SPAG17: variants seen among roughly 807,000 people sequenced by gnomAD.
SPAG17 encodes the protein sperm associated antigen 17.
SPAG17 carries 169 observed loss-of-function variants against 273.6 expected under a neutral mutation model. The ratio of observed to expected loss-of-function variants is 0.62; its 90% CI spans 0.55 to 0.70. The LOEUF is 0.70. Among genes scored for constraint, SPAG17 ranks in the 30% least tolerant of loss-of-function variants. The probability of loss-of-function intolerance (pLI) is 0.00; values close to 1 mark genes in which losing one functional copy is unlikely to be tolerated. For synonymous variants in SPAG17, 825 were observed against 873.2 expected, an observed-to-expected ratio of 0.94 and a Z score of 0.97; for missense variants, 2,557 against 2,627.8, an observed-to-expected ratio of 0.97 and a Z score of 0.59.
In SPAG17 at chr1:118,055,744, TTAA is replaced by T. The variant is rs1557965052; in HGVS notation, c.2708_2710del (p.Ile903del). On this transcript the variant is annotated inframe_deletion, in exon 19 of 49. Coordinates refer to ENST00000336338, the MANE Select transcript of SPAG17 (RefSeq NM_206996.4). ...AACTGGTTACTTACTTTTAGATTCTTTAATGGAAAAAATTTTGCTAGCAGAAGT... is the reference window on the plus strand; with the variant it reads ...AACTGGTTACTTACTTTTAGATTCTTTGGAAAAAATTTTGCTAGCAGAAGT... The T allele has an allele frequency of 6.2e-7, 1 of 1,611,890 alleles. No individual in the cohort carries two copies. Among genetic ancestry groups the T allele is most frequent in the African/African-American group, 1.3e-5 (1 of 74,976 alleles).
chr1:117,963,856 A>G lies in SPAG17; in HGVS notation c.6615T>C (p.Ser2205=), dbSNP rs772129782. 2.5e-6 allele frequency: 4 copies of G among 1,613,974 alleles called. No homozygotes were observed. In the South Asian group the frequency reaches 4.4e-5, roughly 18 times the overall value. The change falls in exon 48 of 49, where the codon TCT becomes TCC. Residue 2205 remains serine, a synonymous_variant. Coordinates refer to ENST00000336338, the MANE Select transcript of SPAG17 (RefSeq NM_206996.4). The part of the protein sequence containing the change: ...GKENPMVQRT[S]TIYSSTLGVF... ...CTCCAAGTGTGGAGGAATAAATTGT[A>G]GAAGTTCTCTGGACCATTGGATTTT...
intron 44 of SPAG17, 75 bp from the exon 45 acceptor site, chr1:117,972,122 A>G (rs917252593): frequency 1.6e-6 from 2 of 1,287,906 alleles, no homozygotes; most frequent in Non-Finnish European, 2.1e-6. Context: ...AGTCCCTGTC[A>G]CCAGAGGAAA....
At chr1:117,991,644 G>T in intron 36 of SPAG17, 116 bp from the exon 37 acceptor site, 1 of 570,468 alleles carries the variant, frequency 1.8e-6, no homozygotes, top group African/African-American at 1.9e-5. Flanking sequence ...GGTTTACAGT[G>T]CTCAACAACT....
In SPAG17 at chr1:118,163,187, GA is replaced by G. The variant is rs1660011060; in HGVS notation, c.88-11819del. ...GCTTTTCTGCATTTAAAAAAGTACT[GA>G]AAAAAAGTGTCTGCTCTCAAAAGAC... is the stretch of plus-strand genomic sequence containing the variant. On this transcript the variant is annotated intron_variant, in intron 1 of 48. Coordinates refer to ENST00000336338, the MANE Select transcript of SPAG17 (RefSeq NM_206996.4). Among the ~76,000 whole-genome samples, 3 of 152,224 alleles carry G rather than the reference GA, an allele frequency of 2.0e-5. No individual in the cohort carries two copies. In the South Asian group the frequency reaches 6.2e-4, roughly 32 times the overall value.
chr1:117,968,129 T>C (rs1654082091), intron 46 of SPAG17, among the ~76,000 whole-genome samples: 1 of 152,106 alleles, frequency 6.6e-6, no homozygotes, highest in Admixed American at 6.5e-5. Context: ...TTGAGCAGAT[T>C]CATTTAGTGT....
At chr1:117,968,700 C>T (rs1227116543) in intron 46 of SPAG17, among the ~76,000 whole-genome samples, 1 of 152,222 alleles carries the variant, frequency 6.6e-6, no homozygotes, top group Non-Finnish European at 1.5e-5. Context: ...TGGTGCTACA[C>T]CAAACCAACC....
intron 25 of SPAG17, among the ~76,000 whole-genome samples, chr1:118,030,031 C>T (rs1201341034): frequency 1.3e-5 from 2 of 152,164 alleles, no homozygotes; most frequent in African/African-American, 4.8e-5. Flanking sequence ...CTCACCCTTC[C>T]ATTATCATTT....
At chr1:117,979,411 C>T (rs1176335152) in intron 43 of SPAG17, among the ~76,000 whole-genome samples, 1 of 152,124 alleles carries the variant, frequency 6.6e-6, no homozygotes, top group Non-Finnish European at 1.5e-5. Context: ...ATTGGCTCCA[C>T]CCTCATGATA....
chr1:118,138,980 C>T (rs913559836), intron 3 of SPAG17, among the ~76,000 whole-genome samples: 1 of 152,102 alleles, frequency 6.6e-6, no homozygotes, highest in African/African-American at 2.4e-5. Flanking sequence ...ATTTAGACTT[C>T]CTTTAATTTT....
At chr1:118,145,354 T>C (rs1283665461) in intron 3 of SPAG17, among the ~76,000 whole-genome samples, 2 of 152,218 alleles carry the variant, frequency 1.3e-5, no homozygotes, top group African/African-American at 4.8e-5. Flanking sequence ...GCCTGTGTTC[T>C]CACTTGTCAA....
At chr1:117,954,580 G>T (rs1651886292) in intron 48 of SPAG17, 3 of 1,612,094 alleles carry the variant, frequency 1.9e-6, no homozygotes, top group Non-Finnish European at 2.5e-6. Context: ...TTCTTCATAG[G>T]TTCCACTTCC....
chr1:118,076,212 A>G (rs1654073670), intron 15 of SPAG17: 1 of 152,104 alleles, frequency 6.6e-6, no homozygotes, highest in African/African-American at 2.4e-5. Flanking sequence ...TGTGGCAAGC[A>G]TAAGACAACT....
At chr1:118,055,028 G>T (rs1046626981) in intron 19 of SPAG17, among the ~76,000 whole-genome samples, 1 of 152,026 alleles carries the variant, frequency 6.6e-6, no homozygotes, top group Non-Finnish European at 1.5e-5. Flanking sequence ...AATGAAACAT[G>T]ATTATTTTCT....
At chr1:118,121,596 A>G (rs1253695831) in intron 3 of SPAG17, among the ~76,000 whole-genome samples, 4 of 152,132 alleles carry the variant, frequency 2.6e-5, no homozygotes, top group African/African-American at 9.7e-5. Context: ...ATGAGAATCT[A>G]ATGTCTGATG....
chr1:117,956,630 TC>T (rs1338916368), intron 48 of SPAG17, among the ~76,000 whole-genome samples: 1 of 152,152 alleles, frequency 6.6e-6, no homozygotes, highest in Non-Finnish European at 1.5e-5. Context: ...TTGAGCTAGT[TC>T]TAGAGGGAAC....
chr1:117,970,533 T>C (rs1288514410), intron 45 of SPAG17, among the ~76,000 whole-genome samples: 1 of 152,160 alleles, frequency 6.6e-6, no homozygotes, highest in Non-Finnish European at 1.5e-5. Flanking sequence ...TGCTCTGTCT[T>C]GGTATGGGGT....
chr1:118,041,191 A>G (rs1467583165), intron 21 of SPAG17, among the ~76,000 whole-genome samples: 1 of 152,130 alleles, frequency 6.6e-6, no homozygotes, highest in East Asian at 1.9e-4. Context: ...GAGAGTGGAC[A>G]CTCCACTTTA....
chr1:118,083,714 G>A (rs1654779409), intron 13 of SPAG17, among the ~76,000 whole-genome samples: 1 of 152,074 alleles, frequency 6.6e-6, no homozygotes, highest in African/African-American at 2.4e-5. Flanking sequence ...GAACCCAGGA[G>A]GTGGAGGTTA....
At chr1:118,090,994 T>A (rs181540854) in intron 10 of SPAG17, among the ~76,000 whole-genome samples, 46 of 152,128 alleles carry the variant, frequency 3.0e-4, no homozygotes, top group Non-Finnish European at 6.0e-4. Flanking sequence ...AAATCCTGGT[T>A]CTTTGAAAAG....
Sources: gnomAD v4.1 joint callset for allele counts (sites outside exome capture counted in the v4.1 genomes callset) on GRCh38, gnomAD v4.1.1 for gene constraint, MANE v1.5 for transcripts, NCBI Gene and HGNC (gene_info 2026-07-23, HGNC 2026-07-21) for gene names.